The following PRKN variants were observed in gnomAD, a reference collection of about 807,000 sequenced individuals.
The protein encoded by PRKN is E3 ubiquitin-protein ligase parkin.
PRKN carries 56 observed loss-of-function variants against 59.5 expected under a neutral mutation model. The observed-to-expected ratio is 0.94, with a 90% CI of 0.76 to 1.18. The LOEUF is 1.18. PRKN is among the 50% of genes most tolerant of loss of function. The pLI, the probability that PRKN is intolerant of heterozygous loss-of-function variation, is 0.00. For synonymous variants in PRKN, 250 were observed against 222.1 expected (o/e 1.13, Z -1.12); for missense variants, 657 against 596.4 (o/e 1.10, Z -1.06).
In PRKN at chr6:161,473,954, A is replaced by G. The variant is rs1452911798; in HGVS notation, c.1083+74900T>C. On this transcript the variant is annotated intron_variant, in intron 9 of 11. Coordinates refer to ENST00000366898, the MANE Select transcript of PRKN (RefSeq NM_004562.3). This position sits in a 1 kb window ranked among gnomAD's most constrained non-coding sequence, Gnocchi z 4.1. ...TATGTAGACTAGCGGGTTTTCTAAT[A>G]TCAAATTTTATGCTTGTGGAAATCT... Among the ~76,000 whole-genome samples, 1 of 152,168 alleles carries G rather than the reference A, an allele frequency of 6.6e-6. No individual in the cohort carries two copies. The highest frequency in any genetic ancestry group is 1.9e-4 in the East Asian group (1 of 5,190).
intron 1 of PRKN, among the ~76,000 whole-genome samples, chr6:162,644,260 C>T (rs1313930107): frequency 3.3e-5 from 5 of 152,302 alleles, no homozygotes; most frequent in Admixed American, 2.0e-4. Flanking sequence ...CAGTCCACAC[C>T]ATCCTCCAGG....
At chr6:161,701,512 T>C (rs560364652) in intron 7 of PRKN, among the ~76,000 whole-genome samples, 3 of 152,314 alleles carry the variant, frequency 2.0e-5, no homozygotes, top group South Asian at 4.2e-4. Context: ...AAAGTAACCA[T>C]AAGAAATGGA....
At chr6:162,466,564 A>AT (rs200149146) in intron 1 of PRKN, among the ~76,000 whole-genome samples, 2 of 151,550 alleles carry the variant, frequency 1.3e-5, no homozygotes, top group South Asian at 4.2e-4. Flanking sequence ...ACACAGGGCA[A>AT]TTTTTTTTAT....
intron 4 of PRKN, among the ~76,000 whole-genome samples, chr6:162,114,945 C>T (rs1164333406): frequency 6.6e-6 from 1 of 151,754 alleles, no homozygotes; most frequent in African/African-American, 2.4e-5. Context: ...GGCGATTCCT[C>T]AGGGATCTAG....
At chr6:162,573,025 T>C (rs9458609) in intron 1 of PRKN, among the ~76,000 whole-genome samples, 46,624 of 152,056 alleles carry the variant, frequency 0.31, 7,599 homozygotes, top group East Asian at 0.48. Flanking sequence ...ATACAGAATA[T>C]CTTAAAAACT....
At chr6:161,580,033 T>C (rs945362797) in intron 7 of PRKN, among the ~76,000 whole-genome samples, 1 of 152,192 alleles carries the variant, frequency 6.6e-6, no homozygotes, top group Non-Finnish European at 1.5e-5. Flanking sequence ...AGAGTGTATA[T>C]GCTGGGGTGA....
At chr6:162,576,806 C>T (rs1780575339) in intron 1 of PRKN, among the ~76,000 whole-genome samples, 1 of 100,128 alleles carries the variant, frequency 1.0e-5, no homozygotes, top group Non-Finnish European at 1.9e-5. Flanking sequence ...GAGTGAGACT[C>T]CGTCAAAAAA....
chr6:162,039,028 C>T (rs1384563131), intron 5 of PRKN, among the ~76,000 whole-genome samples: 2 of 152,008 alleles, frequency 1.3e-5, no homozygotes, highest in African/African-American at 2.4e-5. Context: ...TGGTGGCGGA[C>T]GCCTGTAGTC....
At position 162,535,473 on chromosome 6, in the gene PRKN, G is replaced by A. The variant is rs577197667; in HGVS notation, c.8-92000C>T. On this transcript the variant is annotated intron_variant, in intron 1 of 11. Coordinates refer to ENST00000366898, the MANE Select transcript of PRKN (RefSeq NM_004562.3). ...CATGCAAGATCATCTGTCTCTCAGA[G>A]TACCCATTTCCTATATATGAATAGA... 2.8e-4 allele frequency among the ~76,000 whole-genome samples: 42 copies of A among 151,942 alleles called. 1 individual carries two copies. Among genetic ancestry groups the A allele is most frequent in the Admixed American group, 6.6e-4 (10 of 15,252 alleles).
rs367987875 is a variant in PRKN at position 162,341,327 on chromosome 6, A to G, written c.172-78562T>C. ...ATTGGTGGGAGTGTAAATTAGTTCA[A>G]CCATTGTGGAAGACAGTTTGGTGAT... On this transcript the variant is annotated intron_variant, in intron 2 of 11. Coordinates refer to ENST00000366898, the MANE Select transcript of PRKN (RefSeq NM_004562.3). 8.5e-5 allele frequency among the ~76,000 whole-genome samples: 13 copies of G among 152,316 alleles called. No homozygotes were observed. The South Asian group carries it at 1.0e-3, about 12-fold the overall frequency.
chr6:162,441,163 A>G (rs993721787), intron 2 of PRKN, among the ~76,000 whole-genome samples: 1 of 152,046 alleles, frequency 6.6e-6, no homozygotes. Context: ...AACTCCCATC[A>G]TGTTGGAACA....
At chr6:161,453,045 T>C (rs530460880) in intron 9 of PRKN, among the ~76,000 whole-genome samples, 8 of 152,366 alleles carry the variant, frequency 5.3e-5, no homozygotes, top group African/African-American at 1.4e-4. Flanking sequence ...ATTCTTCGTG[T>C]ATTCAATCGC....
intron 2 of PRKN, among the ~76,000 whole-genome samples, chr6:162,315,936 C>T (rs1583365116): frequency 6.6e-6 from 1 of 152,174 alleles, no homozygotes; most frequent in East Asian, 1.9e-4. Flanking sequence ...ATTTTGGATG[C>T]TGTAAGGTCT....
rs984143985 is a variant in PRKN at position 161,372,821 on chromosome 6, C to T, written c.1168-12616G>A. ...ACTGTGGTCAACAAAGACAGAGAGA[C>T]CCTATTTTTTTTTTTTTTTTTTTTT... On this transcript the variant is annotated intron_variant, in intron 10 of 11. Coordinates refer to ENST00000366898, the MANE Select transcript of PRKN (RefSeq NM_004562.3). This position sits in a 1 kb window ranked among gnomAD's most constrained non-coding sequence, Gnocchi z 4.2. 6.7e-6 allele frequency among the ~76,000 whole-genome samples: 1 copy of T among 148,964 alleles called. No homozygotes were observed. The highest frequency in any genetic ancestry group is 2.5e-5 in the African/African-American group (1 of 39,866).
chr6:162,670,778 AT>A (rs1450723693), intron 1 of PRKN, among the ~76,000 whole-genome samples: 1 of 152,200 alleles, frequency 6.6e-6, no homozygotes, highest in Non-Finnish European at 1.5e-5. Context: ...CATATTTACA[AT>A]TTTTTCCTAT....
intron 1 of PRKN, among the ~76,000 whole-genome samples, chr6:162,536,430 T>C (rs774210327): frequency 2.0e-5 from 3 of 152,158 alleles, no homozygotes; most frequent in Admixed American, 6.5e-5. Context: ...CCTGGTGTCA[T>C]TTTAGCTCTG....
rs112152919 is a variant in PRKN at position 161,593,951 on chromosome 6, A to T, written c.872-24535T>A. Among the ~76,000 whole-genome samples the T allele has an allele frequency of 5.3e-5, 8 of 151,794 alleles. No homozygotes were observed. Among genetic ancestry groups the T allele is most frequent in the African/African-American group, 1.7e-4 (7 of 41,408 alleles). On this transcript the variant is annotated intron_variant, in intron 7 of 11. Transcript: ENST00000366898. The surrounding 1 kb of genome is among the most constrained non-coding windows in gnomAD (Gnocchi z 4.8). ...CAGATCACGAGGTCAGGAGTTTGAG[A>T]CCAGCCTGGCCAACATAGTGAAACC...
In PRKN at chr6:161,463,094, A is replaced by G. The variant is rs1790294228; in HGVS notation, c.1084-76217T>C. 6.6e-6 allele frequency among the ~76,000 whole-genome samples: 1 copy of G among 152,238 alleles called. No homozygotes were observed. Among genetic ancestry groups the G allele is most frequent in the South Asian group, 2.1e-4 (1 of 4,834 alleles). On this transcript the variant is annotated intron_variant, in intron 9 of 11. Coordinates refer to ENST00000366898, the MANE Select transcript of PRKN (RefSeq NM_004562.3). This position sits in a 1 kb window ranked among gnomAD's most constrained non-coding sequence, Gnocchi z 4.8. Reference sequence around the variant, plus strand: ...TAATGAGAATTATGGGTGACTGAGCACCAAGGGGTTCCAAGGTCAGTGTGA... The same window carrying G: ...TAATGAGAATTATGGGTGACTGAGCGCCAAGGGGTTCCAAGGTCAGTGTGA...
intron 6 of PRKN, among the ~76,000 whole-genome samples, chr6:161,814,341 G>T (rs907992423): frequency 1.3e-5 from 2 of 152,182 alleles, no homozygotes; most frequent in Non-Finnish European, 2.9e-5. Flanking sequence ...GACCAAAGAG[G>T]TTTCTAAAGA....
Sources: gnomAD v4.1 joint callset for allele counts (sites outside exome capture counted in the v4.1 genomes callset) on GRCh38, gnomAD v4.1.1 for gene constraint, Gnocchi (gnomAD v3.1) non-coding constraint, MANE v1.5 for transcripts, NCBI Gene and HGNC (gene_info 2026-07-23, HGNC 2026-07-21) for gene names.